CNTN3: variants seen among roughly 807,000 people sequenced by gnomAD.
CNTN3 encodes contactin 3, also known as contactin-3.
Under a neutral mutation model 119.1 loss-of-function variants are expected in CNTN3, and 60 were observed. The observed-to-expected ratio is 0.50, with a 90% CI of 0.41 to 0.62. The LOEUF is 0.62. Among genes scored for constraint, CNTN3 ranks in the 20% least tolerant of loss-of-function variants. The pLI is 0.00. For missense variants in CNTN3, 1,101 were observed against 1,242.4 expected, an observed-to-expected ratio of 0.89 and a Z score of 1.71; for synonymous variants, 450 against 438.7, an observed-to-expected ratio of 1.03 and a Z score of -0.32.
intron 1 of CNTN3, among the ~76,000 whole-genome samples, chr3:74,584,829 G>A (rs1046105342): frequency 2.0e-5 from 3 of 152,046 alleles, no homozygotes; most frequent in African/African-American, 7.2e-5. Context: ...GAAATGTCAT[G>A]CTCCAAGATG....
chr3:74,566,610 C>A lies in CNTN3; in HGVS notation c.-80-45418G>T, dbSNP rs763950986. ...TCCTCTTCCCTGTGTCTCCTCTGGG[C>A]TTCACATGTCTCTCTTTTTGTAGAG... On this transcript the variant is annotated intron_variant, in intron 1 of 22. Coordinates refer to ENST00000263665, the MANE Select transcript of CNTN3 (RefSeq NM_020872.3). 8.3e-4 allele frequency among the ~76,000 whole-genome samples: 126 copies of A among 152,132 alleles called. 1 individual carries two copies. Among genetic ancestry groups the A allele is most frequent in the Non-Finnish European group, 3.1e-4 (21 of 68,022 alleles).
chr3:74,354,826 A>G (rs1352539348), intron 11 of CNTN3, among the ~76,000 whole-genome samples: 1 of 151,432 alleles, frequency 6.6e-6, no homozygotes, highest in Non-Finnish European at 1.5e-5. Flanking sequence ...CATTTATTTA[A>G]TAAATCAATC....
At chr3:74,561,291 T>C (rs952052509) in intron 1 of CNTN3, among the ~76,000 whole-genome samples, 3 of 152,130 alleles carry the variant, frequency 2.0e-5, no homozygotes, top group African/African-American at 7.2e-5. Flanking sequence ...GCAGCCAATG[T>C]TCAAAATCTA....
At chr3:74,391,334 G>A (rs999129681) in intron 5 of CNTN3, among the ~76,000 whole-genome samples, 1 of 152,132 alleles carries the variant, frequency 6.6e-6, no homozygotes. Context: ...AGGAAGTAGT[G>A]CTCAGGTGTA....
chr3:74,350,828 T>TA (rs141102163), intron 11 of CNTN3, among the ~76,000 whole-genome samples: 27 of 145,360 alleles, frequency 1.9e-4, no homozygotes, highest in Middle Eastern at 3.5e-3. Context: ...AAACACAAAA[T>TA]AAAAAAAAAA....
In CNTN3 at chr3:74,264,402, C is replaced by A; in HGVS notation, c.3086G>T (p.Ter1029LeuextTer2). The change falls in exon 23 of 23, where the codon TGA (stop) becomes TTA (leucine). Residue 1029 changes from the stop codon to leucine, a stop_lost. Coordinates refer to ENST00000263665, the MANE Select transcript of CNTN3 (RefSeq NM_020872.3). ...VLFLIVYVLW[*>L] Reference sequence around the variant, plus strand: ...ATAAATAATAAAAAGGAGTTAATATCACCACAGGACATATACAATTAAGAA... The same window carrying A: ...ATAAATAATAAAAAGGAGTTAATATAACCACAGGACATATACAATTAAGAA... 1.3e-6 allele frequency: 2 copies of A among 1,483,190 alleles called. No homozygotes were observed. The highest frequency in any genetic ancestry group is 1.8e-6 in the Non-Finnish European group (2 of 1,108,460). The allele number at this position is 1,483,190 out of a possible 1,614,324, so 91.9% of individuals were successfully genotyped here.
At chr3:74,506,144 T>C (rs541749753) in intron 2 of CNTN3, among the ~76,000 whole-genome samples, 207 of 152,292 alleles carry the variant, frequency 1.4e-3, no homozygotes, top group African/African-American at 4.7e-3. Context: ...TATAAAAATA[T>C]ATGTACAAAA....
intron 1 of CNTN3, among the ~76,000 whole-genome samples, chr3:74,592,615 T>C (rs1704723089): frequency 6.6e-6 from 1 of 151,932 alleles, no homozygotes; most frequent in African/African-American, 2.4e-5. Context: ...GAGAGTGATA[T>C]GCTGAGTCAC....
intron 1 of CNTN3, among the ~76,000 whole-genome samples, chr3:74,523,344 T>G (rs375490022): frequency 2.6e-5 from 4 of 151,822 alleles, no homozygotes; most frequent in Admixed American, 2.6e-4. Flanking sequence ...TTTTAAATTA[T>G]CTAATAAAAT....
intron 10 of CNTN3, among the ~76,000 whole-genome samples, chr3:74,362,819 A>G: frequency 6.6e-6 from 1 of 152,194 alleles, no homozygotes; most frequent in East Asian, 1.9e-4. Flanking sequence ...ATCCAAGTGA[A>G]TACAATTTAT....
chr3:74,290,543 T>C lies in CNTN3; in HGVS notation c.2517+4578A>G, dbSNP rs1702207322. Among the ~76,000 whole-genome samples, 3 of 152,226 alleles carry C rather than the reference T, an allele frequency of 2.0e-5. No homozygotes were observed. In the South Asian group the frequency reaches 6.2e-4, roughly 31 times the overall value. On this transcript the variant is annotated intron_variant, in intron 19 of 22. Transcript: ENST00000263665. Reference sequence around the variant, plus strand: ...GAATCCCACAAGCCATTCATGTATATTCTTCCATTTATTTTTCTTAACTAT... The same window carrying C: ...GAATCCCACAAGCCATTCATGTATACTCTTCCATTTATTTTTCTTAACTAT...
At chr3:74,371,059 T>C in intron 6 of CNTN3, 137 bp downstream of exon 6, 1 of 641,388 alleles carries the variant, frequency 1.6e-6, no homozygotes, top group South Asian at 1.9e-5. Flanking sequence ...TTTGTCATTG[T>C]ACTCATAAAA....
intron 20 of CNTN3, among the ~76,000 whole-genome samples, chr3:74,276,376 C>T (rs1045814296): frequency 6.6e-6 from 1 of 151,968 alleles, no homozygotes; most frequent in Non-Finnish European, 1.5e-5. Context: ...TCAAGATAGA[C>T]CAAATGATAG....
chr3:74,300,338 G>C (rs1702430513), intron 16 of CNTN3, among the ~76,000 whole-genome samples: 1 of 152,130 alleles, frequency 6.6e-6, no homozygotes, highest in African/African-American at 2.4e-5. Flanking sequence ...TATATGTAAG[G>C]ATGACCCAGA....
chr3:74,527,516 C>T (rs767699300), intron 1 of CNTN3, among the ~76,000 whole-genome samples: 42 of 151,874 alleles, frequency 2.8e-4, no homozygotes, highest in Admixed American at 9.9e-4. Flanking sequence ...TCTGGCAAGA[C>T]CAACATCACT....
chr3:74,604,230 AG>A, intron 1 of CNTN3, among the ~76,000 whole-genome samples: 1 of 152,288 alleles, frequency 6.6e-6, no homozygotes, highest in Non-Finnish European at 1.5e-5. Context: ...CACAGGGAAA[AG>A]GCTCCATGAC....
chr3:74,435,854 A>G (rs543393812), intron 4 of CNTN3, among the ~76,000 whole-genome samples: 10 of 152,102 alleles, frequency 6.6e-5, no homozygotes, highest in Admixed American at 2.0e-4. Context: ...GTATTATGCA[A>G]TAGGTCCATC....
At chr3:74,467,523 C>T (rs993668193) in intron 4 of CNTN3, among the ~76,000 whole-genome samples, 3 of 152,072 alleles carry the variant, frequency 2.0e-5, no homozygotes, top group Non-Finnish European at 2.9e-5. Flanking sequence ...GATGCTCACA[C>T]AGAAGAAGAA....
At chr3:74,557,460 C>T (rs1414066606) in intron 1 of CNTN3, among the ~76,000 whole-genome samples, 1 of 152,154 alleles carries the variant, frequency 6.6e-6, no homozygotes, top group African/African-American at 2.4e-5. Flanking sequence ...ACATCGTACA[C>T]ACCCTGAGTC....
Sources: gnomAD v4.1 joint callset for allele counts (sites outside exome capture counted in the v4.1 genomes callset) on GRCh38, gnomAD v4.1.1 for gene constraint, MANE v1.5 for transcripts, NCBI Gene and HGNC (gene_info 2026-07-23, HGNC 2026-07-21) for gene names.